Variants in ARNT observed in about 807,000 individuals in gnomAD.
The protein encoded by ARNT is class E basic helix-loop-helix protein 2.
In ARNT, 30 loss-of-function variants were observed where a neutral mutation model predicts 105.0. The observed-to-expected ratio is 0.29, with a 90% CI of 0.21 to 0.39. The LOEUF (loss-of-function observed/expected upper bound fraction) is 0.39. ARNT is among the 10% of genes least tolerant of loss of function. The pLI, the probability that ARNT is intolerant of heterozygous loss-of-function variation, is 1.00. For synonymous variants in ARNT, 304 were observed against 344.0 expected, an observed-to-expected ratio of 0.88 and a Z score of 1.29; for missense variants, 748 against 978.7, an observed-to-expected ratio of 0.76 and a Z score of 3.15.
chr1:150,814,007 C>T, intron 20 of ARNT, 70 bp downstream of exon 20: 2 of 1,566,290 alleles, frequency 1.3e-6, no homozygotes, highest in African/African-American at 1.4e-5. Flanking sequence ...AGGCAAACAA[C>T]TTTAACTACC....
intron 5 of ARNT, 96 bp downstream of exon 5, chr1:150,842,328 A>G: frequency 6.6e-7 from 1 of 1,518,510 alleles, no homozygotes; most frequent in Non-Finnish European, 8.8e-7. Context: ...ATAAGGAAAA[A>G]TACAAAGAGA....
At position 150,873,305 on chromosome 1, in the gene ARNT, C is replaced by CAA. The variant is rs587775382; in HGVS notation, c.25+3236_25+3237dup. Reference sequence around the variant, plus strand: ...CTCTGTCTCAAAACAAACAAACAAACAAAAAAAAAACAAAACAAAACTTGT... The same window carrying CAA: ...CTCTGTCTCAAAACAAACAAACAAACAAAAAAAAAAAACAAAACAAAACTTGT... On this transcript the variant is annotated intron_variant, in intron 1 of 21. Coordinates refer to ENST00000358595, the MANE Select transcript of ARNT (RefSeq NM_001668.4). 2.0e-3 allele frequency among the ~76,000 whole-genome samples: 285 copies of CAA among 146,034 alleles called. 1 individual carries two copies. Among genetic ancestry groups the CAA allele is most frequent in the South Asian group, 8.8e-3 (40 of 4,562 alleles).
chr1:150,850,746 G>C (rs587692504), intron 3 of ARNT, among the ~76,000 whole-genome samples: 1 of 147,170 alleles, frequency 6.8e-6, no homozygotes, highest in Non-Finnish European at 1.5e-5. Context: ...GCCGCCCATC[G>C]TCTGGGATGT....
In ARNT at chr1:150,832,523, A is replaced by ATT; in HGVS notation, c.804-125_804-124insAA. 1.0e-5 allele frequency: 9 copies of ATT among 875,968 alleles called. 1 individual carries two copies. The highest frequency in any genetic ancestry group is 2.3e-4 in the Middle Eastern group (1 of 4,340). 54.3% of individuals were successfully genotyped at this position (875,968 alleles called of 1,614,324 possible). On this transcript the variant is annotated intron_variant, in intron 8 of 21. Transcript: ENST00000358595. ...ATAGAAAATTGGTAATGCTACTAAT[A>ATT]ATGAAGGATAAAGATAGGTCAAGTT...
At chr1:150,815,703 C>CAAA (rs1257624590) in intron 19 of ARNT, among the ~76,000 whole-genome samples, 1 of 134,258 alleles carries the variant, frequency 7.4e-6, no homozygotes. Context: ...ACTAAAAATA[C>CAAA]AAAAAAAAAA....
At chr1:150,853,294 T>G in intron 2 of ARNT, 1 of 374,238 alleles carries the variant, frequency 2.7e-6, no homozygotes. Flanking sequence ...AAAAAAAAAG[T>G]ACAAAACTGG....
intron 12 of ARNT, 34 bp downstream of exon 12, chr1:150,829,058 GA>G: frequency 6.2e-7 from 1 of 1,609,500 alleles, no homozygotes; most frequent in Non-Finnish European, 8.5e-7. Flanking sequence ...ATAGCCAAAG[GA>G]AAATGGAGGC....
intron 12 of ARNT, among the ~76,000 whole-genome samples, chr1:150,827,664 T>C (rs898625088): frequency 6.6e-6 from 1 of 152,346 alleles, no homozygotes; most frequent in East Asian, 1.9e-4. Flanking sequence ...GTGAACATGT[T>C]TTCATTTCTC....
chr1:150,845,184 C>A (rs1386241807), intron 4 of ARNT, among the ~76,000 whole-genome samples: 3 of 152,090 alleles, frequency 2.0e-5, no homozygotes, highest in African/African-American at 4.8e-5. Flanking sequence ...ATTTGGGAAG[C>A]TGAGGTAGGA....
At chr1:150,832,121 C>T (rs587647063) in intron 9 of ARNT, among the ~76,000 whole-genome samples, 5 of 152,124 alleles carry the variant, frequency 3.3e-5, no homozygotes, top group African/African-American at 4.8e-5. Context: ...AATAGCATAG[C>T]GACTTCCTTA....
At position 150,816,311 on chromosome 1, in the gene ARNT, T is replaced by TAAAAAA; in HGVS notation, c.1897_1898insTTTTTT (p.Gln633delinsLeuPheTer). The TAAAAAA allele has an allele frequency of 6.2e-7, 1 of 1,606,086 alleles. No homozygotes were observed. Among genetic ancestry groups the TAAAAAA allele is most frequent in the Admixed American group, 1.7e-5 (1 of 57,392 alleles). Reference sequence around the variant, plus strand: ...AGGGGTCCAAGTTGGGGTTGCTCCTTGGGTGGGGTTGGAGTGGCGGGAAAT... The same window carrying TAAAAAA: ...AGGGGTCCAAGTTGGGGTTGCTCCTTAAAAAAGGGTGGGGTTGGAGTGGCGGGAAAT... On this transcript the variant is annotated stop_gained and protein_altering_variant, in exon 19 of 22. Coordinates refer to ENST00000358595, the MANE Select transcript of ARNT (RefSeq NM_001668.4). LOFTEE classifies it high-confidence loss of function.
intron 3 of ARNT, among the ~76,000 whole-genome samples, chr1:150,851,856 A>C (rs759475110): frequency 4.2e-4 from 64 of 152,078 alleles, no homozygotes; most frequent in Admixed American, 7.2e-4. Context: ...ATGATCAATA[A>C]AAAAGAAAAT....
At chr1:150,834,662 A>G (rs752813303) in intron 7 of ARNT, 22 bp from the exon 8 acceptor site, 1 of 1,607,600 alleles carries the variant, frequency 6.2e-7, no homozygotes, top group East Asian at 2.2e-5. Flanking sequence ...TGTGAAGAGC[A>G]GTCTGGAGTG....
At chr1:150,825,525 T>C (rs1023551594) in intron 13 of ARNT, among the ~76,000 whole-genome samples, 6 of 152,190 alleles carry the variant, frequency 3.9e-5, no homozygotes, top group African/African-American at 1.4e-4. Context: ...AGTCAGCTTA[T>C]ATAATTCATT....
chr1:150,834,499 C>T, intron 8 of ARNT, 39 bp downstream of exon 8: 1 of 1,589,836 alleles, frequency 6.3e-7, no homozygotes, highest in African/African-American at 1.3e-5. Flanking sequence ...GCTCTTGATC[C>T]TTCCTATACC....
intron 12 of ARNT, 72 bp downstream of exon 12, chr1:150,829,021 G>T: frequency 6.4e-7 from 1 of 1,557,022 alleles, no homozygotes; most frequent in South Asian, 1.2e-5. Context: ...GGCTGTCTTA[G>T]GAACTACATG....
rs1666392642 is a variant in ARNT, at chr1:150,865,381, C to T, written c.26-6921G>A. ...ATGGACTATTGCCTTGGGAGATCGA[C>T]AAGAACTAAATCCTAAACTGACAAG... On this transcript the variant is annotated intron_variant, in intron 1 of 21. Transcript: ENST00000358595. 2.0e-5 allele frequency among the ~76,000 whole-genome samples: 3 copies of T among 152,256 alleles called. No individual in the cohort carries two copies. In the South Asian group the frequency reaches 6.2e-4, roughly 32 times the overall value.
chr1:150,866,154 T>C (rs1237697520), intron 1 of ARNT, among the ~76,000 whole-genome samples: 4 of 152,084 alleles, frequency 2.6e-5, no homozygotes, highest in Admixed American at 2.6e-4. Flanking sequence ...AACTAATCTT[T>C]GTATTTTTAG....
At chr1:150,866,796 G>T (rs984678587) in intron 1 of ARNT, among the ~76,000 whole-genome samples, 1 of 152,114 alleles carries the variant, frequency 6.6e-6, no homozygotes. Flanking sequence ...TAGTTCCTTA[G>T]CCTGGGGAAA....
Sources: allele counts gnomAD v4.1 joint callset (sites outside exome capture counted in the v4.1 genomes callset), GRCh38; gene constraint gnomAD v4.1.1; transcripts MANE v1.5; gene names NCBI Gene and HGNC (gene_info 2026-07-23, HGNC 2026-07-21).